TJP1: variants seen among roughly 807,000 people sequenced by gnomAD.
The protein encoded by TJP1 is tight junction protein ZO-1.
A neutral mutation model predicts 194.2 loss-of-function variants in TJP1; 43 were observed. The observed-to-expected ratio is 0.22, with a 90% confidence interval of 0.17 to 0.29. TJP1 has a LOEUF of 0.29. Ranked by LOEUF, TJP1 falls within the 10% of genes least tolerant of loss-of-function variation. The pLI, the probability that TJP1 is intolerant of heterozygous loss-of-function variation, is 1.00. For missense variants in TJP1, 1,971 were observed against 2,185.7 expected (o/e 0.90, Z 1.96); for synonymous variants, 801 against 779.0 (o/e 1.03, Z -0.47).
chr15:29,765,847 G>A (rs1183141421), intron 5 of TJP1, among the ~76,000 whole-genome samples: 1 of 152,172 alleles, frequency 6.6e-6, no homozygotes, highest in Non-Finnish European at 1.5e-5. Context: ...AGCTGAGATT[G>A]TGCCACTGCA....
intron 2 of TJP1, among the ~76,000 whole-genome samples, chr15:29,936,822 C>G (rs1234367574): frequency 6.6e-6 from 1 of 152,158 alleles, no homozygotes; most frequent in African/African-American, 2.4e-5. Context: ...TAAGATCCAC[C>G]TTGGGTTTAT....
At chr15:29,884,016 G>A (rs192946611) in intron 2 of TJP1, among the ~76,000 whole-genome samples, 1 of 152,298 alleles carries the variant, frequency 6.6e-6, no homozygotes, top group Non-Finnish European at 1.5e-5. Context: ...AACGATTTTA[G>A]GCTGAAAGCT....
At chr15:29,863,893 CTT>C (rs1009564917) in intron 2 of TJP1, among the ~76,000 whole-genome samples, 1 of 151,998 alleles carries the variant, frequency 6.6e-6, no homozygotes, top group Admixed American at 6.6e-5. Context: ...AGTACATAGT[CTT>C]TTAAAATGTC....
chr15:29,819,213 T>C (rs1371397061), intron 1 of TJP1, among the ~76,000 whole-genome samples: 4 of 152,216 alleles, frequency 2.6e-5, no homozygotes, highest in Non-Finnish European at 5.9e-5. Context: ...TTTTAGCCTA[T>C]GAGGCAGAAA....
chr15:29,761,112 A>G (rs1265251494), intron 8 of TJP1, 27 bp downstream of exon 8: 1 of 1,559,304 alleles, frequency 6.4e-7, no homozygotes, highest in Non-Finnish European at 8.7e-7. Flanking sequence ...AAACCCCTGT[A>G]TTTTTTAAAA....
intron 2 of TJP1, among the ~76,000 whole-genome samples, chr15:29,950,637 G>T (rs532091278): frequency 3.3e-5 from 5 of 152,272 alleles, no homozygotes; most frequent in South Asian, 2.1e-4. Context: ...CGGGGGAAGG[G>T]GCCAGTCCCT....
intron 2 of TJP1, among the ~76,000 whole-genome samples, chr15:29,778,873 C>A (rs1002672682): frequency 6.6e-6 from 1 of 152,112 alleles, no homozygotes; most frequent in Non-Finnish European, 1.5e-5. Flanking sequence ...TGTGCTGGGG[C>A]ACATGTACAC....
intron 2 of TJP1, among the ~76,000 whole-genome samples, chr15:29,949,684 C>A (rs1596311584): frequency 9.7e-6 from 1 of 103,286 alleles, no homozygotes; most frequent in East Asian, 6.1e-4. Context: ...CCTCCACCTT[C>A]ACCACCACCT....
intron 6 of TJP1, 59 bp from the exon 7 acceptor site, chr15:29,761,828 AGTTT>A (rs1257171129): frequency 5.7e-6 from 8 of 1,411,072 alleles, no homozygotes; most frequent in Middle Eastern, 2.2e-4. Flanking sequence ...ATGTTAACTT[AGTTT>A]GTTATAAACA....
Position 29,705,590 on chromosome 15 carries a change from T to C in TJP1, c.5006A>G (p.Gln1669Arg), listed in dbSNP as rs201192620. ...CCGGCAGACCTTGAAATAGATTTCCTGCTCAACTCCTTCGGGAATGGCTCC... is the reference window on the plus strand; with the variant it reads ...CCGGCAGACCTTGAAATAGATTTCCCGCTCAACTCCTTCGGGAATGGCTCC... ...PQGAIPEGVE[Q>R]EIYFKVCRDN... Residue 1669 changes from glutamine (Q) to arginine (R), a missense_variant, in exon 26 of 28, where the codon CAG becomes CGG. Transcript: ENST00000614355. The C allele has an allele frequency of 1.2e-6, 2 of 1,614,248 alleles. No homozygotes were observed. The highest frequency in any genetic ancestry group is 1.7e-5 in the Admixed American group (1 of 60,034).
intron 1 of TJP1, among the ~76,000 whole-genome samples, chr15:29,819,867 T>C (rs146282828): frequency 5.9e-5 from 9 of 152,344 alleles, no homozygotes; most frequent in African/African-American, 2.2e-4. Context: ...TAGTAGTATA[T>C]ATCAGAATTT....
At position 29,919,475 on chromosome 15, in the gene TJP1, C is replaced by T. The variant is rs551040745; in HGVS notation, c.306+36757G>A. On this transcript the variant is annotated intron_variant, in intron 2 of 28. Transcript: ENST00000356107. ...ACAGAGGTGAAAAAAACAAAAGTTC[C>T]TGTCCTGGTGCAGTTTTCATTCTAA... 3.9e-5 allele frequency among the ~76,000 whole-genome samples: 6 copies of T among 152,338 alleles called. No homozygotes were observed. The East Asian group carries it at 5.8e-4, about 15-fold the overall frequency.
chr15:29,944,359 T>A (rs2055199963), intron 2 of TJP1, among the ~76,000 whole-genome samples: 1 of 151,968 alleles, frequency 6.6e-6, no homozygotes, highest in Non-Finnish European at 1.5e-5. Flanking sequence ...CCTCCCAAAG[T>A]GCTGGGATTA....
chr15:29,743,370 TTAAC>T (rs1340410608), intron 8 of TJP1, among the ~76,000 whole-genome samples: 4 of 152,190 alleles, frequency 2.6e-5, no homozygotes, highest in Non-Finnish European at 5.9e-5. Context: ...TTCATACAGT[TTAAC>T]TAAATACAAA....
intron 2 of TJP1, among the ~76,000 whole-genome samples, chr15:29,902,356 G>A (rs1596219525): frequency 6.6e-6 from 1 of 151,886 alleles, no homozygotes; most frequent in Non-Finnish European, 1.5e-5. Context: ...CTGTGGTATA[G>A]ATAGAGGAAG....
Position 29,708,548 on chromosome 15 carries a change from A to AT in TJP1, c.4850+10dup, listed in dbSNP as rs770882841. ...CAGGGCCAATGCTTTGAGCAAAGGC[A>AT]TAAGTCTTACCTCACAGGAATAGCT... On this transcript the variant is annotated intron_variant, in intron 25 of 27. Transcript: ENST00000614355. The AT allele has an allele frequency of 3.4e-5, 54 of 1,590,452 alleles. No individual in the cohort carries two copies. The highest frequency in any genetic ancestry group is 4.4e-5 in the Non-Finnish European group (51 of 1,160,234).
intron 9 of TJP1, among the ~76,000 whole-genome samples, chr15:29,741,999 G>A (rs1458840558): frequency 6.6e-6 from 1 of 152,092 alleles, no homozygotes; most frequent in Admixed American, 6.6e-5. Flanking sequence ...GAGGTGGGAG[G>A]ACTGTTTGAG....
chr15:29,744,133 C>T (rs896043004), intron 8 of TJP1, among the ~76,000 whole-genome samples: 7 of 152,074 alleles, frequency 4.6e-5, no homozygotes, highest in Non-Finnish European at 7.4e-5. Flanking sequence ...GAGCCAAGAT[C>T]GTGCCACTGC....
In TJP1 at chr15:29,701,177, G is replaced by A. The variant is rs998348486; in HGVS notation, c.*418C>T. On this transcript the variant is annotated 3_prime_UTR_variant, in exon 28 of 28. Transcript: ENST00000614355. ...AAAAAATGTGTGCATATTACTTCATGCATAATAAAATAAAATGTGTACGTA... is the reference window on the plus strand; with the variant it reads ...AAAAAATGTGTGCATATTACTTCATACATAATAAAATAAAATGTGTACGTA... 1.2e-5 allele frequency: 2 copies of A among 162,874 alleles called. No homozygotes were observed. The highest frequency in any genetic ancestry group is 4.8e-5 in the African/African-American group (2 of 41,862). The allele number at this position is 162,874 out of a possible 1,614,324, so 10.1% of individuals were successfully genotyped here.
Sources: allele counts gnomAD v4.1 joint callset (sites outside exome capture counted in the v4.1 genomes callset), GRCh38; gene constraint gnomAD v4.1.1; transcripts MANE v1.5; gene names NCBI Gene and HGNC (gene_info 2026-07-23, HGNC 2026-07-21).